Variants in ADARB2 observed in about 807,000 individuals in gnomAD.
ADARB2 encodes the protein inactive double-stranded RNA-specific editase B2.
Under a neutral mutation model 62.2 loss-of-function variants are expected in ADARB2, and 25 were observed. The observed-to-expected ratio is 0.40, with a 90% CI of 0.29 to 0.56. The LOEUF (loss-of-function observed/expected upper bound fraction) is 0.56. ADARB2 is among the 20% of genes least tolerant of loss of function. The probability of loss-of-function intolerance (pLI) is 0.43; values close to 1 mark genes in which losing one functional copy is unlikely to be tolerated. For synonymous variants in ADARB2, 572 were observed against 500.8 expected (o/e 1.14, Z -1.90); for missense variants, 1,071 against 1,077.4 (o/e 0.99, Z 0.08).
At chr10:1,611,103 T>C (rs1368041716) in intron 1 of ADARB2, among the ~76,000 whole-genome samples, 2 of 152,018 alleles carry the variant, frequency 1.3e-5, no homozygotes, top group Admixed American at 6.6e-5. Context: ...TCCCCAAACA[T>C]ACAAAGGGCA....
intron 1 of ADARB2, among the ~76,000 whole-genome samples, chr10:1,410,590 C>T (rs139338014): frequency 5.2e-4 from 79 of 152,278 alleles, no homozygotes; most frequent in African/African-American, 1.8e-3. Context: ...AATATTACGA[C>T]GTTAAAAGGA....
chr10:1,519,891 G>T lies in ADARB2; in HGVS notation c.101-140731C>A, dbSNP rs183558627. Among the ~76,000 whole-genome samples the T allele has an allele frequency of 1.1e-3, 166 of 152,166 alleles. 1 individual carries two copies. Among genetic ancestry groups the T allele is most frequent in the Non-Finnish European group, 5.0e-4 (34 of 68,020 alleles). On this transcript the variant is annotated intron_variant, in intron 1 of 9. Transcript: ENST00000381312. Reference sequence around the variant, plus strand: ...GATTCCTTGAAACAGTAACCATAGAGTATTCAAATAATTGCCATGTAGGCT... The same window carrying T: ...GATTCCTTGAAACAGTAACCATAGATTATTCAAATAATTGCCATGTAGGCT...
chr10:1,311,088 A>G (rs1831685619), intron 3 of ADARB2, among the ~76,000 whole-genome samples: 1 of 152,162 alleles, frequency 6.6e-6, no homozygotes, highest in African/African-American at 2.4e-5. Flanking sequence ...AGCCGTGAAG[A>G]CCAATGCTCA....
At chr10:1,527,550 G>A (rs544592886) in intron 1 of ADARB2, among the ~76,000 whole-genome samples, 1 of 152,196 alleles carries the variant, frequency 6.6e-6, no homozygotes, top group African/African-American at 2.4e-5. Context: ...TGCTGTTTCT[G>A]TTGTAAGAAG....
chr10:1,186,265 A>G (rs897797764), intron 8 of ADARB2, among the ~76,000 whole-genome samples: 3 of 152,158 alleles, frequency 2.0e-5, no homozygotes, highest in African/African-American at 7.2e-5. Flanking sequence ...TGGACCCAGC[A>G]TGGTGGACGT....
At position 1,342,444 on chromosome 10, in the gene ADARB2, T is replaced by C. The variant is rs532962600; in HGVS notation, c.1077+20584A>G. Among the ~76,000 whole-genome samples the C allele has an allele frequency of 1.0e-3, 155 of 152,342 alleles. 1 individual carries two copies. The highest frequency in any genetic ancestry group is 1.8e-3 in the Non-Finnish European group (120 of 68,036). On this transcript the variant is annotated intron_variant, in intron 3 of 9. Coordinates refer to ENST00000381312, the MANE Select transcript of ADARB2 (RefSeq NM_018702.4). Reference sequence around the variant, plus strand: ...GCATCGAGAAACATTCAGGGAACAGTGACTCCTGACTCCTGCAGTCTTCTT... The same window carrying C: ...GCATCGAGAAACATTCAGGGAACAGCGACTCCTGACTCCTGCAGTCTTCTT...
chr10:1,511,951 T>C (rs1340455678), intron 1 of ADARB2, among the ~76,000 whole-genome samples: 1 of 150,970 alleles, frequency 6.6e-6, no homozygotes, highest in African/African-American at 2.4e-5. Context: ...CTATACTAGA[T>C]ACCAAGACTT....
intron 1 of ADARB2, among the ~76,000 whole-genome samples, chr10:1,564,845 G>A (rs1435731094): frequency 4.0e-5 from 6 of 148,704 alleles, no homozygotes; most frequent in African/African-American, 1.2e-4. Context: ...TAATAGCAAT[G>A]CCTTTTGCCT....
chr10:1,496,648 TATC>T (rs973884020), intron 1 of ADARB2, among the ~76,000 whole-genome samples: 5 of 151,988 alleles, frequency 3.3e-5, no homozygotes, highest in Non-Finnish European at 5.9e-5. Flanking sequence ...ATCGTATGGT[TATC>T]ATAATAATCA....
intron 1 of ADARB2, among the ~76,000 whole-genome samples, chr10:1,505,797 C>G (rs528283901): frequency 6.6e-6 from 1 of 152,194 alleles, no homozygotes; most frequent in African/African-American, 2.4e-5. Context: ...CCGTCCCCAC[C>G]GTCTGCACTC....
intron 1 of ADARB2, among the ~76,000 whole-genome samples, chr10:1,722,613 G>A (rs995749472): frequency 5.3e-5 from 8 of 152,072 alleles, no homozygotes; most frequent in African/African-American, 9.7e-5. Context: ...ATTTCATTCC[G>A]TTTCTTGGTA....
intron 3 of ADARB2, among the ~76,000 whole-genome samples, chr10:1,324,489 G>A (rs1304216569): frequency 2.0e-5 from 3 of 152,206 alleles, no homozygotes; most frequent in East Asian, 1.9e-4. Context: ...CCGCCCAGAT[G>A]TTCTTTCACA....
chr10:1,712,789 T>G (rs1834966399), intron 1 of ADARB2, among the ~76,000 whole-genome samples: 2 of 151,916 alleles, frequency 1.3e-5, no homozygotes, highest in Admixed American at 1.3e-4. Flanking sequence ...TTTTGTATTT[T>G]TAGTAGAGAC....
chr10:1,496,803 A>C (rs61831913), intron 1 of ADARB2, among the ~76,000 whole-genome samples: 23,958 of 152,118 alleles, frequency 0.16, 2,258 homozygotes, highest in Middle Eastern at 0.23. Context: ...ATCATCACCA[A>C]CATTGTCATC....
chr10:1,709,566 C>T (rs1388275485), intron 1 of ADARB2, among the ~76,000 whole-genome samples: 1 of 152,166 alleles, frequency 6.6e-6, no homozygotes, highest in Non-Finnish European at 1.5e-5. Context: ...TTTGGAGAGA[C>T]TTTTGATCTG....
intron 3 of ADARB2, among the ~76,000 whole-genome samples, chr10:1,323,883 A>G (rs1049692030): frequency 3.3e-5 from 5 of 152,344 alleles, no homozygotes; most frequent in Admixed American, 2.6e-4. Flanking sequence ...ACCATCCATA[A>G]AAGGAAAAAT....
intron 3 of ADARB2, among the ~76,000 whole-genome samples, chr10:1,316,848 T>C (rs1422265053): frequency 6.6e-6 from 1 of 152,368 alleles, no homozygotes; most frequent in Non-Finnish European, 1.5e-5. Flanking sequence ...GATTTTCCCA[T>C]TGTTTTTCCG....
intron 7 of ADARB2, among the ~76,000 whole-genome samples, chr10:1,200,649 A>G (rs1284538915): frequency 6.6e-6 from 1 of 152,196 alleles, no homozygotes; most frequent in Non-Finnish European, 1.5e-5. Flanking sequence ...TGGTTTCAGA[A>G]GCCCAGATTG....
At chr10:1,307,339 T>C (rs1382807257) in intron 3 of ADARB2, among the ~76,000 whole-genome samples, 5 of 133,986 alleles carry the variant, frequency 3.7e-5, no homozygotes, top group African/African-American at 1.3e-4. Flanking sequence ...ATGCTCACCA[T>C]CACTGGCTAT....
Sources: gnomAD v4.1 joint callset for allele counts (sites outside exome capture counted in the v4.1 genomes callset) on GRCh38, gnomAD v4.1.1 for gene constraint, MANE v1.5 for transcripts, NCBI Gene and HGNC (gene_info 2026-07-23, HGNC 2026-07-21) for gene names.